LUZP2: variants seen among roughly 807,000 people sequenced by gnomAD.
LUZP2 encodes leucine zipper protein 2.
A neutral mutation model predicts 51.6 loss-of-function variants in LUZP2; 52 were observed. The ratio of observed to expected loss-of-function variants is 1.01; its 90% confidence interval spans 0.81 to 1.27. The LOEUF is 1.27. LUZP2 is among the 50% of genes most tolerant of loss of function. The pLI is 0.00. For synonymous variants in LUZP2, 154 were observed against 137.3 expected, an observed-to-expected ratio of 1.12 and a Z score of -0.85; for missense variants, 436 against 395.4, an observed-to-expected ratio of 1.10 and a Z score of -0.87.
chr11:24,819,117 G>T (rs1455183017), intron 5 of LUZP2, among the ~76,000 whole-genome samples: 1 of 151,972 alleles, frequency 6.6e-6, no homozygotes, highest in African/African-American at 2.4e-5. Flanking sequence ...CTGAGAAAAC[G>T]TTTGTTTGTT....
chr11:24,758,567 T>C (rs1284728662), intron 4 of LUZP2, among the ~76,000 whole-genome samples: 1 of 152,074 alleles, frequency 6.6e-6, no homozygotes, highest in Non-Finnish European at 1.5e-5. Flanking sequence ...GTATAAATCA[T>C]CCACTAATTA....
At chr11:24,787,730 A>G (rs1404600140) in intron 5 of LUZP2, among the ~76,000 whole-genome samples, 2 of 152,220 alleles carry the variant, frequency 1.3e-5, no homozygotes, top group Non-Finnish European at 2.9e-5. Context: ...CAACAGAAGC[A>G]TCAGGTTTAT....
At position 24,872,284 on chromosome 11, in the gene LUZP2, G is replaced by C. The variant is rs770056108; in HGVS notation, c.397-33707G>C. 7.2e-5 allele frequency among the ~76,000 whole-genome samples: 11 copies of C among 151,992 alleles called. No homozygotes were observed. The South Asian group carries it at 1.7e-3, about 23-fold the overall frequency. On this transcript the variant is annotated intron_variant, in intron 5 of 11. Coordinates refer to ENST00000336930, the MANE Select transcript of LUZP2 (RefSeq NM_001009909.4). ...TCTAATTCAGTATTGTGATGAAGGAGGTTTGTTCTTCTAATATGCTCTGCA... is the reference window on the plus strand; with the variant it reads ...TCTAATTCAGTATTGTGATGAAGGACGTTTGTTCTTCTAATATGCTCTGCA...
chr11:24,767,150 TC>T, intron 5 of LUZP2, among the ~76,000 whole-genome samples: 1 of 152,302 alleles, frequency 6.6e-6, no homozygotes, highest in South Asian at 2.1e-4. Context: ...AATCCCATTT[TC>T]CCTCCAAAAT....
chr11:24,763,149 A>C (rs1860043101), intron 4 of LUZP2, 97 bp from the exon 5 acceptor site: 1 of 620,468 alleles, frequency 1.6e-6, no homozygotes, highest in African/African-American at 1.9e-5. Context: ...ATATTTGTTA[A>C]TAAATAATTT....
rs374939765 is a variant in LUZP2, at chr11:24,606,391, T to C, written c.62+109086T>C. ...ATTTAAAGTAGGCTATGCTAAGCTA[T>C]GAAGTTTTGTAAAAATGAATTTTTG... On this transcript the variant is annotated intron_variant, in intron 1 of 11. Coordinates refer to ENST00000336930, the MANE Select transcript of LUZP2 (RefSeq NM_001009909.4). Among the ~76,000 whole-genome samples the C allele has an allele frequency of 9.5e-4, 145 of 152,148 alleles. 2 individuals are homozygous for C. Among genetic ancestry groups the C allele is most frequent in the African/African-American group, 3.1e-3 (129 of 41,572 alleles).
intron 7 of LUZP2, among the ~76,000 whole-genome samples, chr11:24,949,532 A>T (rs1452341053): frequency 6.6e-6 from 1 of 151,566 alleles, no homozygotes; most frequent in Non-Finnish European, 1.5e-5. Flanking sequence ...GAATATATGG[A>T]CTGTGTATTC....
chr11:24,945,362 T>C (rs574940064), intron 7 of LUZP2, among the ~76,000 whole-genome samples: 47 of 152,300 alleles, frequency 3.1e-4, no homozygotes, highest in African/African-American at 8.7e-4. Flanking sequence ...ATTTTTCTTC[T>C]AAATATTTTC....
intron 4 of LUZP2, among the ~76,000 whole-genome samples, chr11:24,743,918 A>C (rs1432128878): frequency 1.3e-5 from 2 of 151,910 alleles, no homozygotes; most frequent in East Asian, 3.9e-4. Flanking sequence ...TGGGTTTTGG[A>C]GAATGCTTGT....
chr11:24,628,904 G>A (rs992166650), intron 1 of LUZP2, among the ~76,000 whole-genome samples: 1 of 151,976 alleles, frequency 6.6e-6, no homozygotes, highest in Admixed American at 6.6e-5. Flanking sequence ...GAATCTGTGT[G>A]TGTGAATACA....
In LUZP2 at chr11:24,510,493, TTAAACAAGATA is replaced by T. The variant is rs796446140; in HGVS notation, c.62+13193_62+13203del. ...TCAGAAAATCCCAAATTACAATGCC[TTAAACAAGATA>T]TAAATTTAGTTCTCTCACACATAAG... On this transcript the variant is annotated intron_variant, in intron 1 of 11. Coordinates refer to ENST00000336930, the MANE Select transcript of LUZP2 (RefSeq NM_001009909.4). 1.2e-4 allele frequency among the ~76,000 whole-genome samples: 18 copies of T among 152,292 alleles called. 1 individual carries two copies. The highest frequency in any genetic ancestry group is 4.1e-4 in the African/African-American group (17 of 41,572).
intron 9 of LUZP2, 59 bp downstream of exon 9, chr11:24,983,352 G>T (rs1280351238): frequency 1.3e-5 from 19 of 1,513,714 alleles, no homozygotes; most frequent in Non-Finnish European, 1.7e-5. Flanking sequence ...TGTCTTTAAA[G>T]CCCAGTATAT....
chr11:25,070,301 A>G (rs1859115484), intron 10 of LUZP2, among the ~76,000 whole-genome samples: 1 of 152,012 alleles, frequency 6.6e-6, no homozygotes, highest in Admixed American at 6.6e-5. Flanking sequence ...TTTATTTACA[A>G]ATTTTCTAGG....
intron 1 of LUZP2, among the ~76,000 whole-genome samples, chr11:24,631,306 G>A (rs745416838): frequency 1.6e-4 from 24 of 151,434 alleles, no homozygotes; most frequent in South Asian, 2.1e-4. Flanking sequence ...CACTTACTAT[G>A]ATGTTGGCTA....
At chr11:24,824,780 C>T (rs1245141305) in intron 5 of LUZP2, among the ~76,000 whole-genome samples, 1 of 151,948 alleles carries the variant, frequency 6.6e-6, no homozygotes, top group East Asian at 1.9e-4. Context: ...GAGTTATGTG[C>T]TTTCAAAAAT....
intron 1 of LUZP2, among the ~76,000 whole-genome samples, chr11:24,662,457 A>C (rs1856054430): frequency 6.6e-6 from 1 of 152,152 alleles, no homozygotes. Context: ...TAATGTCCAA[A>C]CTAATATCTC....
intron 9 of LUZP2, among the ~76,000 whole-genome samples, chr11:25,048,507 C>A (rs1331883162): frequency 1.3e-5 from 2 of 152,190 alleles, no homozygotes; most frequent in Non-Finnish European, 2.9e-5. Flanking sequence ...CTACCTTTGT[C>A]ATCTTTGTAT....
intron 1 of LUZP2, among the ~76,000 whole-genome samples, chr11:24,609,480 G>A (rs1590238105): frequency 6.6e-6 from 1 of 151,888 alleles, no homozygotes. Flanking sequence ...AATCCCAGCA[G>A]TTTGGGAGGC....
In LUZP2 at chr11:25,035,360, C is replaced by T. The variant is rs118065810; in HGVS notation, c.766-14678C>T. ...AGTTTCAGGATACAAAATCAATGTA[C>T]GAAAATCAGTAGCATTTCTACACAT... On this transcript the variant is annotated intron_variant, in intron 9 of 11. Transcript: ENST00000336930. Among the ~76,000 whole-genome samples, 1,195 of 151,996 alleles carry T rather than the reference C, an allele frequency of 7.9e-3. 32 individuals carry two copies. In the East Asian group the frequency reaches 0.099, roughly 13 times the overall value.
Sources: gnomAD v4.1 joint callset for allele counts (sites outside exome capture counted in the v4.1 genomes callset) on GRCh38, gnomAD v4.1.1 for gene constraint, MANE v1.5 for transcripts, NCBI Gene and HGNC (gene_info 2026-07-23, HGNC 2026-07-21) for gene names.